BABAM2: variants seen among roughly 807,000 people sequenced by gnomAD.
BABAM2 encodes the protein BRISC and BRCA1 A complex member 2.
A neutral mutation model predicts 54.7 loss-of-function variants in BABAM2; 31 were observed. The ratio of observed to expected loss-of-function variants is 0.57; its 90% CI spans 0.43 to 0.77. The LOEUF is 0.77. BABAM2 is among the 30% of genes least tolerant of loss of function. The pLI, the probability that BABAM2 is intolerant of heterozygous loss-of-function variation, is 0.00. For synonymous variants in BABAM2, 167 were observed against 162.9 expected (o/e 1.03, Z -0.19); for missense variants, 364 against 455.8 (o/e 0.80, Z 1.83).
At chr2:28,157,049 C>T (rs909834663) in intron 7 of BABAM2, among the ~76,000 whole-genome samples, 21 of 152,240 alleles carry the variant, frequency 1.4e-4, no homozygotes, top group Admixed American at 1.2e-3. Flanking sequence ...ATAGGATGCT[C>T]TTTTATTTAC....
rs146870013 is a variant in BABAM2, at chr2:27,995,361, A to G, written c.300+7274A>G. Among the ~76,000 whole-genome samples, 2 of 152,288 alleles carry G rather than the reference A, an allele frequency of 1.3e-5. No individual in the cohort carries two copies. The highest frequency in any genetic ancestry group is 4.8e-5 in the African/African-American group (2 of 41,554). ...AGCTCCTCCCTCTGCTGTGCCTTGC[A>G]CTGTTCCTCCATCACTCTCTGTTGA... On this transcript the variant is annotated intron_variant, in intron 4 of 11. Transcript: ENST00000379624. The surrounding 1 kb of genome is among the most constrained non-coding windows in gnomAD (Gnocchi z 4.1).
At chr2:27,996,592 C>G (rs1293298824) in intron 4 of BABAM2, 4 of 153,010 alleles carry the variant, frequency 2.6e-5, no homozygotes, top group Non-Finnish European at 4.4e-5. Context: ...AGCTTCTGAC[C>G]TGGGCTACGC....
rs191316279 is a variant in BABAM2, at chr2:28,055,597, T to C, written c.570+9798T>C. ...GGTATATATATTTTCTTAGTAAAAA[T>C]GAAGAAGTCACAGGTAGTTTCTTGG... On this transcript the variant is annotated intron_variant, in intron 6 of 11. Transcript: ENST00000379624. Among the ~76,000 whole-genome samples the C allele has an allele frequency of 2.6e-5, 4 of 152,318 alleles. 1 individual carries two copies. Among genetic ancestry groups the C allele is most frequent in the Admixed American group, 2.6e-4 (4 of 15,298 alleles).
chr2:28,067,446 A>G (rs950436903), intron 6 of BABAM2, among the ~76,000 whole-genome samples: 1 of 152,168 alleles, frequency 6.6e-6, no homozygotes, highest in African/African-American at 2.4e-5. Context: ...GTCTTCCTCA[A>G]TCTGTAATAC....
chr2:28,030,178 G>A (rs1399877489), intron 5 of BABAM2, among the ~76,000 whole-genome samples: 2 of 152,126 alleles, frequency 1.3e-5, no homozygotes, highest in African/African-American at 2.4e-5. Flanking sequence ...GTTATTCAGT[G>A]GCTCAGCTAA....
chr2:28,034,243 G>T (rs555154518), intron 5 of BABAM2, among the ~76,000 whole-genome samples: 1 of 152,312 alleles, frequency 6.6e-6, no homozygotes, highest in South Asian at 2.1e-4. Context: ...CTAGGGGGCA[G>T]GAGCTTTGGG....
intron 4 of BABAM2, among the ~76,000 whole-genome samples, chr2:28,008,296 CA>C (rs1674120061): frequency 6.6e-6 from 1 of 152,112 alleles, no homozygotes; most frequent in Non-Finnish European, 1.5e-5. Flanking sequence ...ATGCATCTAC[CA>C]TAAATGAAGA....
intron 7 of BABAM2, among the ~76,000 whole-genome samples, chr2:28,198,373 A>G (rs1677858654): frequency 6.6e-6 from 1 of 152,060 alleles, no homozygotes; most frequent in Admixed American, 6.6e-5. Context: ...TCACCATATT[A>G]GCCAGGACGG....
intron 7 of BABAM2, among the ~76,000 whole-genome samples, chr2:28,181,098 C>G (rs912932225): frequency 6.6e-6 from 1 of 152,098 alleles, no homozygotes; most frequent in African/African-American, 2.4e-5. Flanking sequence ...ATCCAGCAGT[C>G]CTACTACTGG....
At chr2:27,926,648 C>T (rs1667728138) in intron 2 of BABAM2, among the ~76,000 whole-genome samples, 1 of 152,158 alleles carries the variant, frequency 6.6e-6, no homozygotes, top group Non-Finnish European at 1.5e-5. Flanking sequence ...CTTCTTCCCT[C>T]ACTAGAATTT....
At chr2:28,279,620 C>A (rs1686172886) in intron 10 of BABAM2, among the ~76,000 whole-genome samples, 1 of 151,634 alleles carries the variant, frequency 6.6e-6, no homozygotes, top group African/African-American at 2.4e-5. Context: ...ACTCCTTACC[C>A]CTTACCATAA....
chr2:28,017,844 A>G (rs1674956774), intron 4 of BABAM2, among the ~76,000 whole-genome samples: 2 of 152,236 alleles, frequency 1.3e-5, no homozygotes, highest in Non-Finnish European at 2.9e-5. Flanking sequence ...AGCATGAATC[A>G]GTATTTTTAT....
intron 3 of BABAM2, among the ~76,000 whole-genome samples, chr2:27,947,825 T>C (rs1281360606): frequency 6.6e-6 from 1 of 152,192 alleles, no homozygotes; most frequent in Non-Finnish European, 1.5e-5. Context: ...CCACATATTC[T>C]AGTATCATCT....
At chr2:28,025,642 C>A (rs1402169877) in intron 5 of BABAM2, among the ~76,000 whole-genome samples, 1 of 152,140 alleles carries the variant, frequency 6.6e-6, no homozygotes, top group Non-Finnish European at 1.5e-5. Flanking sequence ...AGAGTCTCAT[C>A]CCCAGCCCCA....
intron 6 of BABAM2, among the ~76,000 whole-genome samples, chr2:28,111,669 T>C (rs1304505243): frequency 6.6e-6 from 1 of 152,226 alleles, no homozygotes; most frequent in Non-Finnish European, 1.5e-5. Flanking sequence ...GTTCTTTTTT[T>C]CATCTTTGGA....
chr2:28,072,323 C>T (rs1199081637), intron 6 of BABAM2, among the ~76,000 whole-genome samples: 1 of 152,074 alleles, frequency 6.6e-6, no homozygotes, highest in African/African-American at 2.4e-5. Context: ...TAGGCACACA[C>T]CACCACGCCC....
intron 6 of BABAM2, among the ~76,000 whole-genome samples, chr2:28,048,390 A>G (rs988434123): frequency 6.6e-6 from 1 of 152,218 alleles, no homozygotes; most frequent in Non-Finnish European, 1.5e-5. Flanking sequence ...CTTACAGGGG[A>G]TAGAGTGAAT....
At chr2:28,198,848 T>G (rs1473743745) in intron 7 of BABAM2, among the ~76,000 whole-genome samples, 2 of 152,200 alleles carry the variant, frequency 1.3e-5, no homozygotes, top group African/African-American at 4.8e-5. Context: ...AAAGGAGAAC[T>G]TTTTAATGCC....
At chr2:28,142,529 C>T (rs1452908235) in intron 7 of BABAM2, among the ~76,000 whole-genome samples, 1 of 152,080 alleles carries the variant, frequency 6.6e-6, no homozygotes, top group Non-Finnish European at 1.5e-5. Flanking sequence ...TTTTCCCTCC[C>T]ACTTTTTAAT....
Sources: gnomAD v4.1 joint callset for allele counts (sites outside exome capture counted in the v4.1 genomes callset) on GRCh38, gnomAD v4.1.1 for gene constraint, Gnocchi (gnomAD v3.1) non-coding constraint, MANE v1.5 for transcripts, NCBI Gene and HGNC (gene_info 2026-07-23, HGNC 2026-07-21) for gene names.